The following STAC variants were observed in gnomAD, a reference collection of about 807,000 sequenced individuals.
STAC encodes SH3 and cysteine-rich domain-containing protein.
A neutral mutation model predicts 48.8 loss-of-function variants in STAC; 43 were observed. That is an observed-to-expected ratio of 0.88 (90% CI 0.69 to 1.14). The LOEUF (loss-of-function observed/expected upper bound fraction) is 1.14. Among genes scored for constraint, STAC ranks in the 50% most tolerant of loss-of-function variants. STAC has a pLI of 0.00. For missense variants in STAC, 497 were observed against 504.0 expected (o/e 0.99, Z 0.13); for synonymous variants, 193 against 179.5 (o/e 1.07, Z -0.60).
At chr3:36,435,145 C>A (rs1372633715) in intron 1 of STAC, among the ~76,000 whole-genome samples, 1 of 152,132 alleles carries the variant, frequency 6.6e-6, no homozygotes, top group East Asian at 1.9e-4. Context: ...AGCTACCTTC[C>A]CATCCTACCA....
At chr3:36,401,467 T>C (rs1455710273) in intron 1 of STAC, among the ~76,000 whole-genome samples, 3 of 152,262 alleles carry the variant, frequency 2.0e-5, no homozygotes, top group East Asian at 3.9e-4. Flanking sequence ...GTGTGTCAAA[T>C]TGGAACTATA....
chr3:36,424,100 A>G (rs1007835965), intron 1 of STAC, among the ~76,000 whole-genome samples: 5 of 152,186 alleles, frequency 3.3e-5, no homozygotes, highest in African/African-American at 1.2e-4. Flanking sequence ...GACAGGCAGC[A>G]TGTAGCTGAT....
At chr3:36,385,131 C>T (rs892363477) in intron 1 of STAC, among the ~76,000 whole-genome samples, 1 of 152,108 alleles carries the variant, frequency 6.6e-6, no homozygotes, top group Non-Finnish European at 1.5e-5. Context: ...CCACTGAAAA[C>T]AGAATTAGAA....
In STAC at chr3:36,465,562, A is replaced by G. The variant is rs576988469; in HGVS notation, c.389-17430A>G. 1.1e-4 allele frequency among the ~76,000 whole-genome samples: 16 copies of G among 152,118 alleles called. No homozygotes were observed. In the South Asian group the frequency reaches 3.1e-3, roughly 30 times the overall value. On this transcript the variant is annotated intron_variant, in intron 2 of 10. Transcript: ENST00000273183. ...GCCAATATCTAGAAGGGTTTTTCCA[A>G]TGTTATTTTCTAGAATATTGTATTA...
chr3:36,490,814 T>C (rs1431799617), intron 5 of STAC, among the ~76,000 whole-genome samples: 2 of 152,366 alleles, frequency 1.3e-5, no homozygotes, highest in Admixed American at 1.3e-4. Context: ...ATCTCTAATA[T>C]AGCTTTGTCT....
rs1382527787 is a variant in STAC at position 36,446,846 on chromosome 3, C to T, written c.388+3206C>T. Among the ~76,000 whole-genome samples, 5 of 152,110 alleles carry T rather than the reference C, an allele frequency of 3.3e-5. No individual in the cohort carries two copies. In the South Asian group the frequency reaches 8.3e-4, roughly 25 times the overall value. ...AGTCGTATTTCCTAAACAGATATTTCGAAAAATGTATTTCATTGCCTAAAA... is the reference window on the plus strand; with the variant it reads ...AGTCGTATTTCCTAAACAGATATTTTGAAAAATGTATTTCATTGCCTAAAA... On this transcript the variant is annotated intron_variant, in intron 2 of 10. Transcript: ENST00000273183.
chr3:36,413,107 T>C (rs983481650), intron 1 of STAC, among the ~76,000 whole-genome samples: 1 of 152,214 alleles, frequency 6.6e-6, no homozygotes, highest in Admixed American at 6.5e-5. Context: ...ATGTGGTCAA[T>C]TTTGGAATAG....
chr3:36,447,288 G>GCC (rs1696533850), intron 2 of STAC, among the ~76,000 whole-genome samples: 1 of 152,110 alleles, frequency 6.6e-6, no homozygotes, highest in Non-Finnish European at 1.5e-5. Flanking sequence ...GGGCATCTGT[G>GCC]AGTCATTGGC....
At chr3:36,441,041 C>T (rs1473994158) in intron 1 of STAC, among the ~76,000 whole-genome samples, 2 of 152,170 alleles carry the variant, frequency 1.3e-5, no homozygotes, top group African/African-American at 2.4e-5. Flanking sequence ...GTGATCACAT[C>T]AGGGTAATTA....
At chr3:36,433,175 C>T (rs1014999707) in intron 1 of STAC, among the ~76,000 whole-genome samples, 25 of 152,080 alleles carry the variant, frequency 1.6e-4, no homozygotes, top group Admixed American at 1.6e-3. Flanking sequence ...GTTAGGTGAA[C>T]CAGGCATGTT....
At chr3:36,410,836 G>A (rs1024193079) in intron 1 of STAC, among the ~76,000 whole-genome samples, 1 of 152,152 alleles carries the variant, frequency 6.6e-6, no homozygotes, top group Non-Finnish European at 1.5e-5. Context: ...AATCCACTTA[G>A]TTCAATCTGG....
intron 8 of STAC, among the ~76,000 whole-genome samples, chr3:36,521,358 A>C (rs1698800890): frequency 6.6e-6 from 1 of 152,058 alleles, no homozygotes; most frequent in Admixed American, 6.6e-5. Context: ...AAATGGTGAA[A>C]TCTCTCTTAG....
At chr3:36,442,404 A>G (rs1307318094) in intron 1 of STAC, among the ~76,000 whole-genome samples, 1 of 152,216 alleles carries the variant, frequency 6.6e-6, no homozygotes, top group Non-Finnish European at 1.5e-5. Context: ...GGGTGAAAAG[A>G]AAAACTATGT....
chr3:36,450,574 G>A (rs376530407), intron 2 of STAC, among the ~76,000 whole-genome samples: 1 of 152,216 alleles, frequency 6.6e-6, no homozygotes, highest in South Asian at 2.1e-4. Flanking sequence ...CACCCAGGCT[G>A]GAGTGCAGTG....
At chr3:36,463,072 T>C (rs923687980) in intron 2 of STAC, among the ~76,000 whole-genome samples, 1 of 152,156 alleles carries the variant, frequency 6.6e-6, no homozygotes, top group African/African-American at 2.4e-5. Flanking sequence ...TTTGCTAACA[T>C]TGGATTTAAA....
At chr3:36,532,401 T>G (rs1699093717) in intron 10 of STAC, among the ~76,000 whole-genome samples, 2 of 152,204 alleles carry the variant, frequency 1.3e-5, no homozygotes, top group Non-Finnish European at 2.9e-5. Context: ...TCCAGTTGCT[T>G]GTAGACAGAC....
intron 10 of STAC, among the ~76,000 whole-genome samples, chr3:36,539,942 T>C (rs995078629): frequency 6.6e-6 from 1 of 152,224 alleles, no homozygotes; most frequent in Non-Finnish European, 1.5e-5. Flanking sequence ...AAAGGAATTT[T>C]GTAGATGTGA....
At chr3:36,381,775 G>T (rs921497089) in intron 1 of STAC, among the ~76,000 whole-genome samples, 6 of 152,142 alleles carry the variant, frequency 3.9e-5, no homozygotes, top group Non-Finnish European at 1.5e-5. Context: ...AGTGGCTCTG[G>T]GGATTTGGTG....
intron 1 of STAC, among the ~76,000 whole-genome samples, chr3:36,425,664 T>A (rs1700545571): frequency 6.6e-6 from 1 of 152,168 alleles, no homozygotes; most frequent in Admixed American, 6.5e-5. Flanking sequence ...GGATGAAAGG[T>A]GTGTATGAAC....
Sources: allele counts gnomAD v4.1 joint callset (sites outside exome capture counted in the v4.1 genomes callset), GRCh38; gene constraint gnomAD v4.1.1; transcripts MANE v1.5; gene names NCBI Gene and HGNC (gene_info 2026-07-23, HGNC 2026-07-21).